MACROD2: variants seen among roughly 807,000 people sequenced by gnomAD.
The protein encoded by MACROD2 is ADP-ribose glycohydrolase MACROD2.
A neutral mutation model predicts 70.4 loss-of-function variants in MACROD2; 36 were observed. That is an observed-to-expected ratio of 0.51 (90% CI 0.39 to 0.68). The LOEUF (loss-of-function observed/expected upper bound fraction) is 0.68. Ranked by LOEUF, MACROD2 falls within the 30% of genes least tolerant of loss-of-function variation. The probability of loss-of-function intolerance (pLI) is 0.00; values close to 1 mark genes in which losing one functional copy is unlikely to be tolerated. For synonymous variants in MACROD2, 172 were observed against 178.8 expected, an observed-to-expected ratio of 0.96 and a Z score of 0.30; for missense variants, 496 against 538.4, an observed-to-expected ratio of 0.92 and a Z score of 0.78.
chr20:15,740,300 A>G (rs895759332), intron 8 of MACROD2, among the ~76,000 whole-genome samples: 1 of 152,216 alleles, frequency 6.6e-6, no homozygotes, highest in Non-Finnish European at 1.5e-5. Flanking sequence ...GAAAAGAAAC[A>G]AGTTTTGGTA....
At chr20:14,852,338 G>A (rs1379262582) in intron 5 of MACROD2, among the ~76,000 whole-genome samples, 4 of 152,060 alleles carry the variant, frequency 2.6e-5, no homozygotes, top group Non-Finnish European at 1.5e-5. Flanking sequence ...CTTGATCTGG[G>A]GGTCACTGGT....
At chr20:15,556,443 C>A (rs2048170592) in intron 8 of MACROD2, among the ~76,000 whole-genome samples, 1 of 151,938 alleles carries the variant, frequency 6.6e-6, no homozygotes, top group South Asian at 2.1e-4. Context: ...GATAAAATAA[C>A]CTCTGTGTAT....
At chr20:14,683,967 T>C (rs531681056) in intron 4 of MACROD2, among the ~76,000 whole-genome samples, 2 of 152,296 alleles carry the variant, frequency 1.3e-5, no homozygotes, top group East Asian at 3.9e-4. Context: ...CCCTTCTACC[T>C]GTGCACTCAC....
At chr20:14,905,821 G>A (rs1352746688) in intron 5 of MACROD2, 1 of 152,104 alleles carries the variant, frequency 6.6e-6, no homozygotes, top group African/African-American at 2.4e-5. Context: ...ATAGAGAGGT[G>A]TCTTCCAAGC....
chr20:15,990,839 A>G (rs2066548081), intron 15 of MACROD2, among the ~76,000 whole-genome samples: 1 of 152,174 alleles, frequency 6.6e-6, no homozygotes, highest in Admixed American at 6.5e-5. Flanking sequence ...TCTCTAGGGT[A>G]ATAATGAGGG....
At chr20:15,560,969 A>G (rs1190457432) in intron 8 of MACROD2, among the ~76,000 whole-genome samples, 1 of 152,148 alleles carries the variant, frequency 6.6e-6, no homozygotes, top group African/African-American at 2.4e-5. Context: ...CTAAAAGGCC[A>G]CAAAAGAGCT....
At chr20:15,678,011 G>A (rs1271606295) in intron 8 of MACROD2, among the ~76,000 whole-genome samples, 1 of 151,960 alleles carries the variant, frequency 6.6e-6, no homozygotes. Context: ...GTTGCAGTGA[G>A]CCAAGATCAC....
intron 5 of MACROD2, among the ~76,000 whole-genome samples, chr20:14,735,923 C>CA (rs1390667998): frequency 6.6e-6 from 1 of 152,026 alleles, no homozygotes; most frequent in Admixed American, 6.6e-5. Flanking sequence ...CGTGATTCTT[C>CA]AATATGTAAA....
chr20:15,315,801 C>A (rs2077803183), intron 6 of MACROD2, among the ~76,000 whole-genome samples: 2 of 152,002 alleles, frequency 1.3e-5, no homozygotes, highest in African/African-American at 4.8e-5. Flanking sequence ...ATTATTTTAT[C>A]TTTGGTTAAT....
At chr20:14,477,568 T>C (rs1159536032) in intron 3 of MACROD2, among the ~76,000 whole-genome samples, 3 of 152,184 alleles carry the variant, frequency 2.0e-5, no homozygotes, top group Admixed American at 1.3e-4. Flanking sequence ...TCTACTTCTT[T>C]CTAGGTATTT....
In MACROD2 at chr20:14,785,281, G is replaced by A. The variant is rs554461047; in HGVS notation, c.418+100322G>A. Among the ~76,000 whole-genome samples, 5 of 152,072 alleles carry A rather than the reference G, an allele frequency of 3.3e-5. No homozygotes were observed. The South Asian group carries it at 1.0e-3, about 32-fold the overall frequency. On this transcript the variant is annotated intron_variant, in intron 5 of 17. Transcript: ENST00000684519. The stretch of plus-strand genomic sequence containing the variant: ...GCTCCAGGAATTAAGGGCCTAGACT[G>A]GGCAAATCACTCTGTTTACTGGAAG...
intron 6 of MACROD2, among the ~76,000 whole-genome samples, chr20:15,421,596 C>T (rs1184059342): frequency 6.6e-6 from 1 of 151,944 alleles, no homozygotes; most frequent in Non-Finnish European, 1.5e-5. Flanking sequence ...AAGGCAAGTT[C>T]CAGAACATAA....
intron 8 of MACROD2, among the ~76,000 whole-genome samples, chr20:15,622,655 T>C (rs2049144785): frequency 6.6e-6 from 1 of 152,188 alleles, no homozygotes; most frequent in Admixed American, 6.5e-5. Flanking sequence ...CATGTTTATT[T>C]CTGCAGTTTC....
At chr20:14,378,240 AGTGCTAAG>A (rs1215419272) in intron 3 of MACROD2, among the ~76,000 whole-genome samples, 1 of 152,182 alleles carries the variant, frequency 6.6e-6, no homozygotes, top group African/African-American at 2.4e-5. Flanking sequence ...TAATATGGTG[AGTGCTAAG>A]GTGCACTACA....
intron 4 of MACROD2, among the ~76,000 whole-genome samples, chr20:14,629,908 A>G (rs775933275): frequency 3.9e-5 from 6 of 152,132 alleles, no homozygotes; most frequent in Non-Finnish European, 8.8e-5. Flanking sequence ...AATATACACA[A>G]AGCAGTCAGA....
intron 4 of MACROD2, among the ~76,000 whole-genome samples, chr20:14,593,682 TC>T (rs1981930039): frequency 1.3e-5 from 2 of 152,186 alleles, no homozygotes; most frequent in South Asian, 4.1e-4. Flanking sequence ...ACTTATTAAT[TC>T]AACTAAATGC....
intron 2 of MACROD2, among the ~76,000 whole-genome samples, chr20:14,018,137 T>A (rs1243079831): frequency 6.6e-6 from 1 of 152,202 alleles, no homozygotes; most frequent in African/African-American, 2.4e-5. Flanking sequence ...TGTCCTCACT[T>A]TAATTTCTGA....
intron 5 of MACROD2, among the ~76,000 whole-genome samples, chr20:15,153,351 G>A (rs2076285038): frequency 1.3e-5 from 2 of 152,066 alleles, no homozygotes; most frequent in Non-Finnish European, 2.9e-5. Context: ...GGGTCACAAG[G>A]TGCTCAGTAG....
intron 9 of MACROD2, among the ~76,000 whole-genome samples, chr20:15,869,968 C>T (rs1212667358): frequency 6.6e-6 from 1 of 151,976 alleles, no homozygotes; most frequent in Non-Finnish European, 1.5e-5. Context: ...TGTAGCTTTG[C>T]ATAATCATGA....
Sources: gnomAD v4.1 joint callset for allele counts (sites outside exome capture counted in the v4.1 genomes callset) on GRCh38, gnomAD v4.1.1 for gene constraint, MANE v1.5 for transcripts, NCBI Gene and HGNC (gene_info 2026-07-23, HGNC 2026-07-21) for gene names.